USP6NL: variants seen among roughly 807,000 people sequenced by gnomAD.
USP6NL encodes the protein USP6 N-terminal like.
USP6NL carries 26 observed loss-of-function variants against 61.9 expected under a neutral mutation model. That is an observed-to-expected ratio of 0.42 (90% confidence interval 0.31 to 0.58). The LOEUF (loss-of-function observed/expected upper bound fraction) is 0.58. Among genes scored for constraint, USP6NL ranks in the 20% least tolerant of loss-of-function variants. The pLI is 0.16. For synonymous variants in USP6NL, 432 were observed against 390.1 expected (o/e 1.11, Z -1.27); for missense variants, 1,114 against 1,034.3 (o/e 1.08, Z -1.06).
chr10:11,539,286 C>T (rs1835957136), intron 2 of USP6NL, among the ~76,000 whole-genome samples: 1 of 152,204 alleles, frequency 6.6e-6, no homozygotes, highest in African/African-American at 2.4e-5. Context: ...CTAAGTCAAG[C>T]AGGCTAATAA....
chr10:11,541,871 A>G (rs1008717857), intron 2 of USP6NL, among the ~76,000 whole-genome samples: 7 of 152,352 alleles, frequency 4.6e-5, no homozygotes, highest in South Asian at 2.1e-4. Context: ...CACTGACACT[A>G]TAAGTTAGAA....
At chr10:11,610,150 AGTT>A (rs1024391157) in intron 1 of USP6NL, among the ~76,000 whole-genome samples, 3 of 152,190 alleles carry the variant, frequency 2.0e-5, no homozygotes, top group African/African-American at 7.2e-5. Flanking sequence ...TTCCTTTAAA[AGTT>A]AACTTATACT....
At chr10:11,471,917 T>C (rs866228981) in intron 14 of USP6NL, among the ~76,000 whole-genome samples, 4 of 150,446 alleles carry the variant, frequency 2.7e-5, no homozygotes, top group Non-Finnish European at 4.4e-5. Flanking sequence ...ATGGCACATG[T>C]ATACATATGT....
Position 11,462,521 on chromosome 10 carries a change from G to A in USP6NL, c.2407C>T (p.Pro803Ser), listed in dbSNP as rs767470752. The change falls in exon 15 of 15, where the codon CCA becomes TCA. Residue 803 changes from proline (P) to serine (S), a missense_variant. Coordinates refer to ENST00000609104, the MANE Select transcript of USP6NL (RefSeq NM_014688.5). ...GCTGGAGGCGGGGGCCCTGAATATGGATATCCAGATGGACTGGCATCTTCT... is the reference window on the plus strand; with the variant it reads ...GCTGGAGGCGGGGGCCCTGAATATGAATATCCAGATGGACTGGCATCTTCT... Reference protein sequence around the residue: ...AAEDASPSGYPYSGPPPPAYH... With the variant: ...AAEDASPSGYSYSGPPPPAYH... 6.2e-7 allele frequency: 1 copy of A among 1,614,028 alleles called. No homozygotes were observed. Among genetic ancestry groups the A allele is most frequent in the South Asian group, 1.1e-5 (1 of 91,086 alleles).
At position 11,490,880 on chromosome 10, in the gene USP6NL, C is replaced by T. The variant is rs1230831606; in HGVS notation, c.495G>A (p.Lys165=). The T allele has an allele frequency of 2.5e-5, 39 of 1,529,660 alleles. No homozygotes were observed. Among genetic ancestry groups the T allele is most frequent in the Non-Finnish European group, 3.2e-5 (37 of 1,141,568 alleles). 94.8% of individuals were successfully genotyped at this position (1,529,660 alleles called of 1,614,324 possible). ...HIMFRDRYGV[K]QQSLFHVLAA... The stretch of plus-strand genomic sequence containing the variant: ...CAAGCACATGGAATAAGGATTGTTG[C>T]CTAGAGAAAAAAATTTACATTAAAT... Residue 165 remains lysine, a splice_region_variant and synonymous_variant, in exon 9 of 15, where the codon AAG becomes AAA. Coordinates refer to ENST00000609104, the MANE Select transcript of USP6NL (RefSeq NM_014688.5). This position sits in a 1 kb window ranked among gnomAD's most constrained non-coding sequence, Gnocchi z 4.5.
intron 2 of USP6NL, among the ~76,000 whole-genome samples, chr10:11,586,358 T>TA (rs1191129487): frequency 2.1e-5 from 3 of 142,416 alleles, no homozygotes; most frequent in Admixed American, 7.0e-5. Context: ...TGAGCCATCT[T>TA]AAATGACCAA....
intron 1 of USP6NL, among the ~76,000 whole-genome samples, chr10:11,603,492 C>T (rs559193196): frequency 7.9e-5 from 12 of 152,222 alleles, no homozygotes; most frequent in Admixed American, 2.0e-4. Flanking sequence ...GTTCAGGAGT[C>T]CGACATCATT....
chr10:11,525,267 A>G lies in USP6NL; in HGVS notation c.155+119T>C. The G allele has an allele frequency of 5.6e-6, 4 of 714,098 alleles. No homozygotes were observed. The South Asian group carries it at 7.2e-5, about 13-fold the overall frequency. The allele number at this position is 714,098 out of a possible 1,614,324, so 44.2% of individuals were successfully genotyped here. ...ACCTAGGAATTTAGTATCAAAACGC[A>G]TATTGTAAGACTATTCCTTATTCAC... On this transcript the variant is annotated intron_variant, in intron 4 of 14. Transcript: ENST00000609104. This position sits in a 1 kb window ranked among gnomAD's most constrained non-coding sequence, Gnocchi z 5.0.
Position 11,548,342 on chromosome 10 carries a change from C to T in USP6NL, c.5-20775G>A, listed in dbSNP as rs1836359044. On this transcript the variant is annotated intron_variant, in intron 2 of 14. Transcript: ENST00000609104. The surrounding 1 kb of genome is among the most constrained non-coding windows in gnomAD (Gnocchi z 4.3). ...CCTTTGATCTGCAAACAAATATCCA[C>T]TTTTATTTTCTGGCTGTTAAGTCAA... 6.6e-6 allele frequency among the ~76,000 whole-genome samples: 1 copy of T among 152,196 alleles called. No homozygotes were observed. The highest frequency in any genetic ancestry group is 2.1e-4 in the South Asian group (1 of 4,836).
chr10:11,472,270 G>T (rs1832782710), intron 14 of USP6NL, among the ~76,000 whole-genome samples: 1 of 152,178 alleles, frequency 6.6e-6, no homozygotes, highest in Non-Finnish European at 1.5e-5. Context: ...AAAAAGCAAG[G>T]AAGAGTCCCT....
intron 14 of USP6NL, among the ~76,000 whole-genome samples, chr10:11,467,697 A>G (rs1037468583): frequency 3.3e-5 from 5 of 152,260 alleles, no homozygotes; most frequent in Non-Finnish European, 4.4e-5. Flanking sequence ...TGAATGACAT[A>G]CAGGCATAAA....
chr10:11,504,883 GTGAGCCAGAGT>G (rs1834370014), intron 6 of USP6NL, among the ~76,000 whole-genome samples: 1 of 152,234 alleles, frequency 6.6e-6, no homozygotes, highest in Non-Finnish European at 1.5e-5. Context: ...AGACTCCCCA[GTGAGCCAGAGT>G]GGTAAAAGAA....
chr10:11,547,412 A>T (rs964260490), intron 2 of USP6NL, among the ~76,000 whole-genome samples: 1 of 152,232 alleles, frequency 6.6e-6, no homozygotes, highest in Non-Finnish European at 1.5e-5. Context: ...ATGTGAACAC[A>T]GTTGGGATCC....
At chr10:11,505,060 A>T (rs1247183614) in intron 6 of USP6NL, among the ~76,000 whole-genome samples, 1 of 152,182 alleles carries the variant, frequency 6.6e-6, no homozygotes, top group Non-Finnish European at 1.5e-5. Flanking sequence ...TGTGATGGTC[A>T]CTTCTTATGG....
chr10:11,571,365 C>T (rs1443491121), intron 2 of USP6NL, among the ~76,000 whole-genome samples: 2 of 152,136 alleles, frequency 1.3e-5, no homozygotes, highest in African/African-American at 2.4e-5. Context: ...GGATTACAGA[C>T]ATAAGCCACC....
At chr10:11,610,635 T>C (rs75179338) in intron 1 of USP6NL, among the ~76,000 whole-genome samples, 2,438 of 151,790 alleles carry the variant, frequency 0.016, 79 homozygotes, top group African/African-American at 0.056. Context: ...TTTTTTTTTT[T>C]CCATTCGTCT....
chr10:11,584,798 C>A lies in USP6NL; in HGVS notation c.4+12833G>T, dbSNP rs141947566. 1.2e-3 allele frequency among the ~76,000 whole-genome samples: 175 copies of A among 151,956 alleles called. 2 individuals are homozygous for A. In the East Asian group the frequency reaches 0.027, roughly 23 times the overall value. On this transcript the variant is annotated intron_variant, in intron 2 of 14. Transcript: ENST00000609104. ...CAGAAAAATACAAAAATTGGCCAGG[C>A]GTGGTGGAGCACACCTGTAGTCCCA...
In USP6NL at chr10:11,589,391, C is replaced by G. The variant is rs954397291; in HGVS notation, c.4+8240G>C. On this transcript the variant is annotated intron_variant, in intron 2 of 14. Transcript: ENST00000609104. This position sits in a 1 kb window ranked among gnomAD's most constrained non-coding sequence, Gnocchi z 4.7. Reference sequence around the variant, plus strand: ...CCAACACTGGTAATAGCTGGTTCCTCCTCCCCTAATCCAGAACACTTCACA... The same window carrying G: ...CCAACACTGGTAATAGCTGGTTCCTGCTCCCCTAATCCAGAACACTTCACA... Among the ~76,000 whole-genome samples, 1 of 152,168 alleles carries G rather than the reference C, an allele frequency of 6.6e-6. No individual in the cohort carries two copies. The highest frequency in any genetic ancestry group is 2.4e-5 in the African/African-American group (1 of 41,440).
rs1205932309 is a variant in USP6NL at position 11,600,270 on chromosome 10, G to C, written c.-83-2553C>G. ...GCGTGGCCATATGACTTGCTGGAAT[G>C]GTTCTAACTGGAGGCTTGAGGAGCA... On this transcript the variant is annotated intron_variant, in intron 1 of 14. Coordinates refer to ENST00000609104, the MANE Select transcript of USP6NL (RefSeq NM_014688.5). The surrounding 1 kb of genome is among the most constrained non-coding windows in gnomAD (Gnocchi z 4.1). Among the ~76,000 whole-genome samples, 1 of 152,166 alleles carries C rather than the reference G, an allele frequency of 6.6e-6. No individual in the cohort carries two copies. The highest frequency in any genetic ancestry group is 1.5e-5 in the Non-Finnish European group (1 of 68,034).
Sources: allele counts gnomAD v4.1 joint callset (sites outside exome capture counted in the v4.1 genomes callset), GRCh38; gene constraint gnomAD v4.1.1; non-coding constraint Gnocchi (gnomAD v3.1); transcripts MANE v1.5; gene names NCBI Gene and HGNC (gene_info 2026-07-23, HGNC 2026-07-21).